The following PRKN variants were observed in gnomAD, a reference collection of about 807,000 sequenced individuals.
PRKN encodes the protein parkin RBR E3 ubiquitin protein ligase.
Under a neutral mutation model 59.5 loss-of-function variants are expected in PRKN, and 56 were observed. The observed-to-expected ratio is 0.94, with a 90% CI of 0.76 to 1.18. The LOEUF (loss-of-function observed/expected upper bound fraction) is 1.18, where lower values mean the gene tolerates loss of function less well. Ranked by LOEUF, PRKN falls within the 50% of genes most tolerant of loss-of-function variation. The pLI is 0.00. For synonymous variants in PRKN, 250 were observed against 222.1 expected (o/e 1.13, Z -1.12); for missense variants, 657 against 596.4 (o/e 1.10, Z -1.06).
At chr6:162,462,639 C>T (rs559634478) in intron 1 of PRKN, among the ~76,000 whole-genome samples, 38 of 152,188 alleles carry the variant, frequency 2.5e-4, no homozygotes, top group African/African-American at 7.7e-4. Flanking sequence ...TTCTACAAGT[C>T]CATCCATAAT....
intron 6 of PRKN, among the ~76,000 whole-genome samples, chr6:161,949,467 C>T (rs762895763): frequency 3.3e-5 from 5 of 152,006 alleles, no homozygotes; most frequent in Non-Finnish European, 4.4e-5. Context: ...GCCGAGTTTG[C>T]GCCACTGCAC....
intron 2 of PRKN, among the ~76,000 whole-genome samples, chr6:162,301,297 T>A (rs1229248679): frequency 6.6e-6 from 1 of 152,076 alleles, no homozygotes; most frequent in East Asian, 1.9e-4. Flanking sequence ...AGGCTACTGA[T>A]CTTTGTAGTA....
chr6:161,650,491 G>C (rs1323064820), intron 7 of PRKN, among the ~76,000 whole-genome samples: 3 of 152,114 alleles, frequency 2.0e-5, no homozygotes, highest in African/African-American at 7.2e-5. Context: ...AATTGTAAGT[G>C]ACATCTGCAA....
intron 7 of PRKN, among the ~76,000 whole-genome samples, chr6:161,717,559 T>G (rs1365977851): frequency 6.6e-6 from 1 of 152,192 alleles, no homozygotes. Flanking sequence ...AGAAGCAGAT[T>G]GCGGAGATGG....
Position 161,446,771 on chromosome 6 carries a change from T to C in PRKN, c.1084-59894A>G, listed in dbSNP as rs957639107. On this transcript the variant is annotated intron_variant, in intron 9 of 11. Coordinates refer to ENST00000366898, the MANE Select transcript of PRKN (RefSeq NM_004562.3). This position sits in a 1 kb window ranked among gnomAD's most constrained non-coding sequence, Gnocchi z 6.2. ...AATATGGAGCCAGGAATGAGGGAGG[T>C]TCACGTGGGAGGTGGCAACTGCAGA... Among the ~76,000 whole-genome samples the C allele has an allele frequency of 6.6e-6, 1 of 152,010 alleles. No homozygotes were observed. Among genetic ancestry groups the C allele is most frequent in the African/African-American group, 2.4e-5 (1 of 41,398 alleles).
chr6:162,233,454 A>T (rs1778510152), intron 3 of PRKN, among the ~76,000 whole-genome samples: 1 of 152,196 alleles, frequency 6.6e-6, no homozygotes, highest in African/African-American at 2.4e-5. Context: ...CACAAATGCA[A>T]AAACCTGGAT....
chr6:161,987,759 C>T (rs970830747), intron 5 of PRKN, among the ~76,000 whole-genome samples: 6 of 152,120 alleles, frequency 3.9e-5, no homozygotes, highest in Non-Finnish European at 7.3e-5. Context: ...CCAATTAATA[C>T]TGCATCTAAA....
chr6:162,023,756 G>A (rs1297252361), intron 5 of PRKN, among the ~76,000 whole-genome samples: 1 of 152,062 alleles, frequency 6.6e-6, no homozygotes, highest in African/African-American at 2.4e-5. Context: ...TCTTCACCTA[G>A]GTCCATGGGG....
intron 1 of PRKN, among the ~76,000 whole-genome samples, chr6:162,558,304 T>C (rs1332538020): frequency 6.6e-6 from 1 of 151,758 alleles, no homozygotes; most frequent in African/African-American, 2.4e-5. Context: ...TCACTGACTT[T>C]TAAGCAAATG....
At chr6:162,078,984 A>G (rs921185180) in intron 4 of PRKN, among the ~76,000 whole-genome samples, 4 of 152,088 alleles carry the variant, frequency 2.6e-5, no homozygotes, top group African/African-American at 9.7e-5. Flanking sequence ...ACGTGACTCA[A>G]ATTTCTTTTG....
chr6:162,672,685 A>AGTGTGTGTGTGTGT (rs56722608), intron 1 of PRKN, among the ~76,000 whole-genome samples: 43 of 149,172 alleles, frequency 2.9e-4, no homozygotes, highest in South Asian at 1.1e-3. Flanking sequence ...TTGGGGGAAA[A>AGTGTGTGTGTGTGT]GTGTGTGTGT....
At chr6:162,226,843 T>C (rs146208133) in intron 3 of PRKN, among the ~76,000 whole-genome samples, 177 of 152,356 alleles carry the variant, frequency 1.2e-3, no homozygotes, top group Admixed American at 6.1e-3. Context: ...GGCAGCTCGC[T>C]GCTTCAGCCA....
chr6:161,599,795 C>T (rs1455033026), intron 7 of PRKN, among the ~76,000 whole-genome samples: 1 of 152,160 alleles, frequency 6.6e-6, no homozygotes, highest in Non-Finnish European at 1.5e-5. Context: ...TTCTTAAAAG[C>T]CTCAAACACT....
intron 7 of PRKN, among the ~76,000 whole-genome samples, chr6:161,574,297 G>A (rs1781047924): frequency 6.6e-6 from 1 of 152,098 alleles, no homozygotes; most frequent in Admixed American, 6.5e-5. Context: ...AAACGTTAGC[G>A]GAGGGGGCGG....
At position 161,440,130 on chromosome 6, in the gene PRKN, T is replaced by A. The variant is rs1789137872; in HGVS notation, c.1084-53253A>T. On this transcript the variant is annotated intron_variant, in intron 9 of 11. Coordinates refer to ENST00000366898, the MANE Select transcript of PRKN (RefSeq NM_004562.3). This position sits in a 1 kb window ranked among gnomAD's most constrained non-coding sequence, Gnocchi z 4.1. Reference sequence around the variant, plus strand: ...CACGCCCGGCTAATTTTTTTTGGTATTTTTAGTAGAGACGGGGTTTCACCG... The same window carrying A: ...CACGCCCGGCTAATTTTTTTTGGTAATTTTAGTAGAGACGGGGTTTCACCG... Among the ~76,000 whole-genome samples the A allele has an allele frequency of 6.6e-6, 1 of 151,936 alleles. No homozygotes were observed. The highest frequency in any genetic ancestry group is 6.6e-5 in the Admixed American group (1 of 15,248).
At chr6:161,603,972 C>T (rs753413837) in intron 7 of PRKN, among the ~76,000 whole-genome samples, 3 of 152,216 alleles carry the variant, frequency 2.0e-5, no homozygotes, top group Non-Finnish European at 4.4e-5. Flanking sequence ...TGTGAGGATG[C>T]ATAAGAGGGC....
chr6:162,266,505 G>A, intron 2 of PRKN: 1 of 152,212 alleles, frequency 6.6e-6, no homozygotes, highest in Non-Finnish European at 1.5e-5. Flanking sequence ...AGGGAAGTAA[G>A]AAAGAATGAA....
At chr6:161,635,680 G>A (rs543300286) in intron 7 of PRKN, among the ~76,000 whole-genome samples, 7 of 152,266 alleles carry the variant, frequency 4.6e-5, no homozygotes, top group South Asian at 4.1e-4. Flanking sequence ...GGAGGGGCCC[G>A]GTGGAAGGAG....
intron 4 of PRKN, among the ~76,000 whole-genome samples, chr6:162,075,150 T>C (rs1003587641): frequency 1.3e-5 from 2 of 152,174 alleles, no homozygotes; most frequent in Non-Finnish European, 2.9e-5. Flanking sequence ...GGCAGCAAAA[T>C]ATGTTTCTAG....
Sources: allele counts gnomAD v4.1 joint callset (sites outside exome capture counted in the v4.1 genomes callset), GRCh38; gene constraint gnomAD v4.1.1; non-coding constraint Gnocchi (gnomAD v3.1); transcripts MANE v1.5; gene names NCBI Gene and HGNC (gene_info 2026-07-23, HGNC 2026-07-21).